Variants in UBE2G1 observed in about 807,000 individuals in gnomAD.
UBE2G1 encodes the protein ubiquitin conjugating enzyme E2 G1, also known as ubiquitin-conjugating enzyme E2 G1.
UBE2G1 carries 5 observed loss-of-function variants against 22.7 expected under a neutral mutation model. The observed-to-expected ratio is 0.22, with a 90% confidence interval of 0.12 to 0.46. The LOEUF is 0.46. Ranked by LOEUF, UBE2G1 falls within the 20% of genes least tolerant of loss-of-function variation. The probability of loss-of-function intolerance (pLI) is 0.99; values close to 1 mark genes in which losing one functional copy is unlikely to be tolerated. For synonymous variants in UBE2G1, 74 were observed against 67.5 expected (o/e 1.10, Z -0.47); for missense variants, 88 against 203.9 (o/e 0.43, Z 3.46).
intron 1 of UBE2G1, among the ~76,000 whole-genome samples, chr17:4,354,113 C>T (rs1456117420): frequency 6.6e-6 from 1 of 152,088 alleles, no homozygotes; most frequent in Non-Finnish European, 1.5e-5. Context: ...GTTCTTTTCC[C>T]TCAGCCTTAA....
chr17:4,303,034 T>C (rs193296946), intron 2 of UBE2G1, among the ~76,000 whole-genome samples: 5 of 152,226 alleles, frequency 3.3e-5, no homozygotes, highest in African/African-American at 1.2e-4. Context: ...TAAGTATGTG[T>C]CTAAGGGATA....
chr17:4,321,314 AT>A (rs1280261415), intron 1 of UBE2G1, among the ~76,000 whole-genome samples: 3 of 151,842 alleles, frequency 2.0e-5, no homozygotes, highest in Middle Eastern at 6.8e-3. Context: ...GTAGGCAACT[AT>A]TTCCCTACAG....
intron 1 of UBE2G1, among the ~76,000 whole-genome samples, chr17:4,321,637 C>T (rs561106495): frequency 7.4e-4 from 112 of 152,190 alleles, no homozygotes; most frequent in South Asian, 1.2e-3. Flanking sequence ...GGACCACAGG[C>T]ACAAACCACC....
At chr17:4,306,744 T>C (rs1969252963) in intron 2 of UBE2G1, among the ~76,000 whole-genome samples, 1 of 152,066 alleles carries the variant, frequency 6.6e-6, no homozygotes, top group Non-Finnish European at 1.5e-5. Flanking sequence ...CTCTGCCTCC[T>C]GAGTTCAAGT....
At chr17:4,282,552 C>A (rs1968907240) in intron 5 of UBE2G1, among the ~76,000 whole-genome samples, 1 of 152,098 alleles carries the variant, frequency 6.6e-6, no homozygotes, top group Non-Finnish European at 1.5e-5. Flanking sequence ...ACTTTACCAT[C>A]AGTGAAAAGA....
chr17:4,294,143 G>A (rs755982818), intron 3 of UBE2G1, among the ~76,000 whole-genome samples: 83 of 152,076 alleles, frequency 5.5e-4, no homozygotes, highest in Non-Finnish European at 1.0e-3. Flanking sequence ...AAGACCAGGC[G>A]CGTGGCTCAC....
chr17:4,361,211 A>AG (rs1969962561), intron 1 of UBE2G1, among the ~76,000 whole-genome samples: 1 of 151,260 alleles, frequency 6.6e-6, no homozygotes, highest in African/African-American at 2.4e-5. Flanking sequence ...TGACAGAACA[A>AG]GACTCTGTGT....
intron 4 of UBE2G1, among the ~76,000 whole-genome samples, chr17:4,284,112 G>C (rs1160600022): frequency 6.8e-6 from 1 of 146,666 alleles, no homozygotes; most frequent in Non-Finnish European, 1.5e-5. Context: ...AGGCAATATC[G>C]TGACACTGCA....
At chr17:4,288,616 G>A (rs536329301) in intron 4 of UBE2G1, among the ~76,000 whole-genome samples, 17 of 152,100 alleles carry the variant, frequency 1.1e-4, no homozygotes, top group Middle Eastern at 3.4e-3. Context: ...TCACAGTTAC[G>A]ACAAGCCATT....
At chr17:4,303,582 A>G (rs879503810) in intron 2 of UBE2G1, among the ~76,000 whole-genome samples, 7 of 152,294 alleles carry the variant, frequency 4.6e-5, no homozygotes, top group Non-Finnish European at 1.0e-4. Flanking sequence ...GTTCTTGAAC[A>G]CTACGTGATA....
intron 1 of UBE2G1, among the ~76,000 whole-genome samples, chr17:4,357,983 AG>A (rs1721194870): frequency 1.3e-5 from 2 of 151,940 alleles, no homozygotes; most frequent in African/African-American, 4.8e-5. Context: ...AAAGAGAGAG[AG>A]ACCCTGTCTC....
intron 1 of UBE2G1, among the ~76,000 whole-genome samples, chr17:4,357,077 C>T (rs184041483): frequency 1.8e-3 from 280 of 152,128 alleles, no homozygotes; most frequent in Non-Finnish European, 3.0e-3. Flanking sequence ...CCTGCCCCAT[C>T]GGCATTTTCA....
chr17:4,312,310 TG>T (rs1969319253), intron 1 of UBE2G1, among the ~76,000 whole-genome samples: 1 of 152,030 alleles, frequency 6.6e-6, no homozygotes, highest in Admixed American at 6.6e-5. Flanking sequence ...TCACTGAGGT[TG>T]TAAGTTGATG....
At position 4,307,006 on chromosome 17, in the gene UBE2G1, T is replaced by A; in HGVS notation, c.149+15A>T. The A allele has an allele frequency of 6.2e-7, 1 of 1,604,644 alleles. No homozygotes were observed. On this transcript the variant is annotated intron_variant, in intron 2 of 5. Coordinates refer to ENST00000396981, the MANE Select transcript of UBE2G1 (RefSeq NM_003342.5). ...AAGAGCTCCATTTTGAAGATGTCAG[T>A]TCCATTATACTTACTAAAGTGTATC... is the stretch of plus-strand genomic sequence containing the variant.
At chr17:4,352,586 A>C (rs554064960) in intron 1 of UBE2G1, among the ~76,000 whole-genome samples, 3 of 152,318 alleles carry the variant, frequency 2.0e-5, no homozygotes, top group African/African-American at 7.2e-5. Flanking sequence ...CAAGAAGAAA[A>C]CAATGTTAAT....
chr17:4,292,414 A>G (rs922490122), intron 3 of UBE2G1, among the ~76,000 whole-genome samples: 25 of 151,956 alleles, frequency 1.6e-4, no homozygotes, highest in Admixed American at 9.2e-4. Context: ...TCTTGAGGCC[A>G]TGCACCTAAA....
In UBE2G1 at chr17:4,272,469, G is replaced by C. The variant is rs1245274080; in HGVS notation, c.*85C>G. 11 of 186,684 alleles carry C rather than the reference G, an allele frequency of 5.9e-5. No homozygotes were observed. Among genetic ancestry groups the C allele is most frequent in the Admixed American group, 4.2e-4 (10 of 23,642 alleles). 11.6% of individuals were successfully genotyped at this position (186,684 alleles called of 1,614,324 possible). On this transcript the variant is annotated 3_prime_UTR_variant, in exon 6 of 6. Coordinates refer to ENST00000396981, the MANE Select transcript of UBE2G1 (RefSeq NM_003342.5). The stretch of plus-strand genomic sequence containing the variant: ...CTTGTACAACAGAAGTCCAGCAATA[G>C]GTGGGTAGAGTGCAGGAAAAACAGT...
At chr17:4,355,475 C>A (rs934159433) in intron 1 of UBE2G1, among the ~76,000 whole-genome samples, 11 of 147,950 alleles carry the variant, frequency 7.4e-5, no homozygotes, top group Non-Finnish European at 1.6e-4. Context: ...AACAACATTT[C>A]TACTAAAAAT....
At chr17:4,296,850 A>C in intron 2 of UBE2G1, 36 bp from the exon 3 acceptor site, 1 of 1,576,344 alleles carries the variant, frequency 6.3e-7, no homozygotes, top group Non-Finnish European at 8.7e-7. Flanking sequence ...CTTGCCTATA[A>C]GTTCCTGCTT....
Sources: allele counts gnomAD v4.1 joint callset (sites outside exome capture counted in the v4.1 genomes callset), GRCh38; gene constraint gnomAD v4.1.1; transcripts MANE v1.5; gene names NCBI Gene and HGNC (gene_info 2026-07-23, HGNC 2026-07-21).